Variants in SPNS3 observed in about 807,000 individuals in gnomAD.
SPNS3 encodes the protein SPNS lysolipid transporter 3, sphingosine-1-phosphate (putative), also known as protein spinster homolog 3.
A neutral mutation model predicts 54.4 loss-of-function variants in SPNS3; 51 were observed. The observed-to-expected ratio is 0.94, with a 90% CI of 0.75 to 1.18. The LOEUF is 1.18. Ranked by LOEUF, SPNS3 falls within the 50% of genes most tolerant of loss-of-function variation. SPNS3 has a pLI of 0.00. For synonymous variants in SPNS3, 309 were observed against 294.7 expected, an observed-to-expected ratio of 1.05 and a Z score of -0.50; for missense variants, 669 against 677.4, an observed-to-expected ratio of 0.99 and a Z score of 0.14.
chr17:4,449,142 A>G, intron 6 of SPNS3, 93 bp from the exon 7 acceptor site: 1 of 1,424,334 alleles, frequency 7.0e-7, no homozygotes, highest in Non-Finnish European at 9.5e-7. Flanking sequence ...CAAGATGGGA[A>G]AGTTCCTAGA....
chr17:4,465,997 G>A (rs2144139809), intron 8 of SPNS3, among the ~76,000 whole-genome samples: 1 of 152,324 alleles, frequency 6.6e-6, no homozygotes, highest in South Asian at 2.1e-4. Context: ...GGACTCGAGT[G>A]CTCACCCTCA....
intron 6 of SPNS3, among the ~76,000 whole-genome samples, 188 bp from the exon 7 acceptor site, chr17:4,449,047 G>A (rs1971082720): frequency 6.6e-6 from 1 of 152,154 alleles, no homozygotes; most frequent in East Asian, 1.9e-4. Flanking sequence ...GGTAACCTGA[G>A]TGTCTTCTTC....
intron 7 of SPNS3, among the ~76,000 whole-genome samples, chr17:4,451,523 G>T (rs960890294): frequency 1.3e-5 from 2 of 152,272 alleles, no homozygotes; most frequent in Admixed American, 6.5e-5. Flanking sequence ...GACCAGTCCC[G>T]CAGAGTCATC....
At chr17:4,475,758 G>A (rs1483605665) in intron 8 of SPNS3, among the ~76,000 whole-genome samples, 13 of 152,318 alleles carry the variant, frequency 8.5e-5, no homozygotes, top group Admixed American at 8.5e-4. Flanking sequence ...AGATGCTCCT[G>A]TAGGAGCAGC....
At chr17:4,466,577 C>G (rs947403204) in intron 8 of SPNS3, among the ~76,000 whole-genome samples, 2 of 149,294 alleles carry the variant, frequency 1.3e-5, no homozygotes, top group Non-Finnish European at 1.5e-5. Flanking sequence ...CACAGTGGCT[C>G]ACACCTGTAA....
intron 8 of SPNS3, among the ~76,000 whole-genome samples, chr17:4,454,323 C>T (rs1364596535): frequency 1.3e-5 from 2 of 152,244 alleles, no homozygotes; most frequent in African/African-American, 4.8e-5. Context: ...GGGAAGATGA[C>T]GCCAGCCCAG....
chr17:4,480,304 G>A (rs1293976511), intron 9 of SPNS3, among the ~76,000 whole-genome samples: 1 of 152,236 alleles, frequency 6.6e-6, no homozygotes, highest in South Asian at 2.1e-4. Context: ...CAGTTTCCTT[G>A]TCTATAAAAG....
chr17:4,458,646 TTTCCTTCC>T (rs1555530863), intron 8 of SPNS3, among the ~76,000 whole-genome samples: 13 of 128,154 alleles, frequency 1.0e-4, no homozygotes, highest in East Asian at 2.2e-4. Context: ...TCTTTCTTTC[TTTCCTTCC>T]TTCTTTCTTT....
intron 2 of SPNS3, among the ~76,000 whole-genome samples, chr17:4,442,325 G>A (rs538428201): frequency 0.11 from 15,959 of 151,738 alleles, 990 homozygotes; most frequent in African/African-American, 0.18. Context: ...CTGAGGTCGG[G>A]AGTTTGAGAC....
At chr17:4,446,326 C>G (rs1949861251) in intron 4 of SPNS3, 127 bp downstream of exon 4, 1 of 1,018,934 alleles carries the variant, frequency 9.8e-7, no homozygotes, top group Non-Finnish European at 1.4e-6. Flanking sequence ...CAATGCTACC[C>G]CTCCCTCACC....
rs551056606 is a variant in SPNS3, at chr17:4,469,620, C to CAAA, written c.1114-8934_1114-8932dup. Among the ~76,000 whole-genome samples the CAAA allele has an allele frequency of 1.0e-3, 67 of 66,730 alleles. 1 individual carries two copies. Among genetic ancestry groups the CAAA allele is most frequent in the African/African-American group, 1.2e-3 (22 of 18,636 alleles). The allele number at this position is 66,730 out of a possible 152,430, so 43.8% of individuals were successfully genotyped here. A position where few individuals can be genotyped will look rare whatever the true frequency, so the allele number is the denominator to read the frequency against. On this transcript the variant is annotated intron_variant, in intron 8 of 11. Transcript: ENST00000355530. ...GGCGACAGAGCGAGAGACTCCATCT[C>CAAA]AAAAAAAAAAAAAAAAAAAAGCAAT...
chr17:4,445,194 C>A, intron 3 of SPNS3, 26 bp downstream of exon 3: 1 of 1,583,044 alleles, frequency 6.3e-7, no homozygotes, highest in Non-Finnish European at 8.6e-7. Flanking sequence ...CCTGTCCAGG[C>A]CCCTGAGGCC....
intron 8 of SPNS3, among the ~76,000 whole-genome samples, chr17:4,474,710 ATG>A (rs1356060646): frequency 3.3e-5 from 5 of 151,850 alleles, no homozygotes; most frequent in African/African-American, 9.7e-5. Flanking sequence ...ATGTTTGTGT[ATG>A]TGTGTGTGTG....
At chr17:4,439,017 T>C (rs1970781745) in intron 1 of SPNS3, among the ~76,000 whole-genome samples, 2 of 152,114 alleles carry the variant, frequency 1.3e-5, no homozygotes, top group South Asian at 4.2e-4. Flanking sequence ...TGTATCTATA[T>C]CTGTGTTCCC....
chr17:4,487,312 G>T (rs1445664651), intron 11 of SPNS3, among the ~76,000 whole-genome samples: 1 of 152,202 alleles, frequency 6.6e-6, no homozygotes, highest in East Asian at 1.9e-4. Flanking sequence ...CCGGCAGTGG[G>T]GACAATCAAT....
At chr17:4,470,473 A>G (rs1413091513) in intron 8 of SPNS3, among the ~76,000 whole-genome samples, 1 of 152,162 alleles carries the variant, frequency 6.6e-6, no homozygotes, top group African/African-American at 2.4e-5. Flanking sequence ...TTCACCCAAT[A>G]AAGTGTATAA....
At chr17:4,464,178 G>A (rs555457352) in intron 8 of SPNS3, among the ~76,000 whole-genome samples, 22 of 152,206 alleles carry the variant, frequency 1.4e-4, no homozygotes, top group Non-Finnish European at 2.6e-4. Context: ...CTGTGGCCAC[G>A]TACAGAAACA....
intron 2 of SPNS3, 77 bp downstream of exon 2, chr17:4,439,800 G>A: frequency 2.2e-6 from 3 of 1,375,724 alleles, no homozygotes; most frequent in African/African-American, 1.4e-5. Context: ...GTCATGTTCT[G>A]TGCCCAGCTC....
At position 4,445,072 on chromosome 17, in the gene SPNS3, C is replaced by G; in HGVS notation, c.306C>G (p.Gly102=). 6.2e-7 allele frequency: 1 copy of G among 1,614,168 alleles called. No individual in the cohort carries two copies. Among genetic ancestry groups the G allele is most frequent in the Non-Finnish European group, 8.5e-7 (1 of 1,180,006 alleles). ...SCLLLSAPVF[G]YLGDRHSRKA... is the part of the protein sequence containing the mutation. ...TGCTGCTGTCTGCACCTGTGTTTGG[C>G]TACCTGGGCGACCGACATAGCCGCA... The change falls in exon 3 of 12, where the codon GGC becomes GGG. Residue 102 remains glycine (G), a synonymous_variant. Coordinates refer to ENST00000355530, the MANE Select transcript of SPNS3 (RefSeq NM_182538.5).
Sources: gnomAD v4.1 joint callset for allele counts (sites outside exome capture counted in the v4.1 genomes callset) on GRCh38, gnomAD v4.1.1 for gene constraint, MANE v1.5 for transcripts, NCBI Gene and HGNC (gene_info 2026-07-23, HGNC 2026-07-21) for gene names.